RHPN2: variants seen among roughly 807,000 people sequenced by gnomAD.
RHPN2 encodes the protein rhophilin Rho GTPase binding protein 2.
A neutral mutation model predicts 79.0 loss-of-function variants in RHPN2; 40 were observed. That is an observed-to-expected ratio of 0.51 (90% CI 0.39 to 0.66). The LOEUF (loss-of-function observed/expected upper bound fraction) is 0.66. Among genes scored for constraint, RHPN2 ranks in the 30% least tolerant of loss-of-function variants. RHPN2 has a pLI of 0.00. For missense variants in RHPN2, 686 were observed against 883.5 expected, an observed-to-expected ratio of 0.78 and a Z score of 2.83; for synonymous variants, 285 against 363.5, an observed-to-expected ratio of 0.78 and a Z score of 2.46.
chr19:33,056,847 C>T (rs1053312293), intron 1 of RHPN2, among the ~76,000 whole-genome samples: 3 of 151,392 alleles, frequency 2.0e-5, no homozygotes, highest in Admixed American at 1.3e-4. Context: ...CAGTGGCTCA[C>T]GCCTGTAATC....
chr19:33,002,341 G>A lies in RHPN2; in HGVS notation c.1011C>T (p.Ile337=). 3 of 1,613,936 alleles carry A rather than the reference G, an allele frequency of 1.9e-6. No homozygotes were observed. Among genetic ancestry groups the A allele is most frequent in the South Asian group, 1.1e-5 (1 of 91,074 alleles). The change falls in exon 9 of 15, where the codon ATC becomes ATT. Residue 337 remains isoleucine, a synonymous_variant. Transcript: ENST00000254260. The part of the protein sequence containing the change: ...AMSQAPVKEN[I]PYSWASLACV... Reference sequence around the variant, plus strand: ...AGGCTAAGCTGGCCCAGGAGTAGGGGATGTTCTCTTTCACCGGCGCCTGGC... The same window carrying A: ...AGGCTAAGCTGGCCCAGGAGTAGGGAATGTTCTCTTTCACCGGCGCCTGGC...
chr19:33,060,407 T>C lies in RHPN2; in HGVS notation c.69+4377A>G, dbSNP rs540698463. Among the ~76,000 whole-genome samples, 11 of 152,310 alleles carry C rather than the reference T, an allele frequency of 7.2e-5. 1 individual carries two copies. In the South Asian group the frequency reaches 2.3e-3, roughly 32 times the overall value. On this transcript the variant is annotated intron_variant, in intron 1 of 14. Coordinates refer to ENST00000254260, the MANE Select transcript of RHPN2 (RefSeq NM_033103.5). Reference sequence around the variant, plus strand: ...CCAGATATTGCCCTTTCTCCAGCTCTATCATTCCAACCTCCTCATCACTAG... The same window carrying C: ...CCAGATATTGCCCTTTCTCCAGCTCCATCATTCCAACCTCCTCATCACTAG...
At chr19:33,016,005 G>A (rs754937480) in intron 4 of RHPN2, among the ~76,000 whole-genome samples, 2 of 152,002 alleles carry the variant, frequency 1.3e-5, no homozygotes, top group Non-Finnish European at 2.9e-5. Flanking sequence ...AGCCAAGATT[G>A]TACCACTGTA....
At chr19:32,980,307 G>A in intron 14 of RHPN2, 51 bp from the exon 15 acceptor site, 5 of 1,612,200 alleles carry the variant, frequency 3.1e-6, no homozygotes, top group Non-Finnish European at 4.2e-6. Context: ...CAAGATAGAT[G>A]ATAAAAACTA....
intron 14 of RHPN2, among the ~76,000 whole-genome samples, chr19:32,988,905 G>A (rs931930375): frequency 6.6e-6 from 1 of 152,164 alleles, no homozygotes; most frequent in African/African-American, 2.4e-5. Context: ...AGCTTCGCTG[G>A]GGGGCAGGGA....
chr19:33,060,830 C>T (rs773569884), intron 1 of RHPN2, among the ~76,000 whole-genome samples: 1 of 152,130 alleles, frequency 6.6e-6, no homozygotes, highest in Non-Finnish European at 1.5e-5. Context: ...CTGCACCCCA[C>T]TCACAGCACT....
Position 33,007,974 on chromosome 19 carries a change from GGGCCAAGGCTCC to G in RHPN2, c.760+28_760+39del, listed in dbSNP as rs776071477. The G allele has an allele frequency of 1.5e-5, 24 of 1,609,486 alleles. No individual in the cohort carries two copies. In the Admixed American group the frequency reaches 4.0e-4, roughly 27 times the overall value. Reference sequence around the variant, plus strand: ...GGGGGTCCCCTGGTGCCACCGGGTGGGGCCAAGGCTCCGTCTGGTCAGCCCTGGAGGAGACAT... The same window carrying G: ...GGGGGTCCCCTGGTGCCACCGGGTGGGTCTGGTCAGCCCTGGAGGAGACAT... On this transcript the variant is annotated intron_variant, in intron 7 of 14. Transcript: ENST00000254260.
In RHPN2 at chr19:33,021,641, G is replaced by A. The variant is rs1238200730; in HGVS notation, c.320C>T (p.Ala107Val). 1 of 1,613,244 alleles carries A rather than the reference G, an allele frequency of 6.2e-7. No individual in the cohort carries two copies. Reference sequence around the variant, plus strand: ...AAGAGGAATCAGGGGAATCGTAAATGCCTCCCTATGAGGAACACAACAAGG... The same window carrying A: ...AAGAGGAATCAGGGGAATCGTAAATACCTCCCTATGAGGAACACAACAAGG... ...SVGVYQNTEE[A>V]FTIPLIPLGL... Residue 107 changes from alanine to valine, a missense_variant, in exon 4 of 15, where the codon GCA becomes GTA. Physicochemically the swap from Ala to Val is moderately conservative, Grantham distance 64 (BLOSUM62 0). Transcript: ENST00000254260.
Position 32,996,123 on chromosome 19 carries a change from C to G in RHPN2, c.1323G>C (p.Lys441Asn), listed in dbSNP as rs1216120694. The G allele has an allele frequency of 1.2e-6, 2 of 1,614,112 alleles. No homozygotes were observed. The highest frequency in any genetic ancestry group is 1.3e-5 in the African/African-American group (1 of 75,056). Residue 441 changes from lysine to asparagine, a missense_variant, in exon 11 of 15, where the codon AAG becomes AAC. By Grantham distance (94) the Lys-to-Asn change is moderately conservative. Transcript: ENST00000254260. Reference sequence around the variant, plus strand: ...AGCGTTCCTGTGCGGCACACAGCACCTTCTGTAGCACCTCAATGCTCCGCA... The same window carrying G: ...AGCGTTCCTGTGCGGCACACAGCACGTTCTGTAGCACCTCAATGCTCCGCA... Reference protein sequence around the residue: ...KKLRSIEVLQKVLCAAQERSR... With the variant: ...KKLRSIEVLQNVLCAAQERSR...
chr19:33,042,001 G>A (rs1367435990), intron 2 of RHPN2, among the ~76,000 whole-genome samples: 6 of 151,864 alleles, frequency 4.0e-5, no homozygotes, highest in African/African-American at 7.3e-5. Flanking sequence ...TGTGCAACAC[G>A]GTGAAACCCT....
At chr19:33,005,399 T>G (rs1971781786) in intron 7 of RHPN2, among the ~76,000 whole-genome samples, 1 of 108,538 alleles carries the variant, frequency 9.2e-6, no homozygotes. Context: ...GGCGACAGAG[T>G]GAGATTCTGT....
At chr19:32,999,375 C>T (rs1400831255) in intron 10 of RHPN2, among the ~76,000 whole-genome samples, 1 of 152,098 alleles carries the variant, frequency 6.6e-6, no homozygotes, top group East Asian at 1.9e-4. Context: ...CAGTGGGAGG[C>T]CTGGGTGCTA....
chr19:33,053,930 T>C (rs1391527584), intron 1 of RHPN2, among the ~76,000 whole-genome samples: 2 of 152,020 alleles, frequency 1.3e-5, no homozygotes, highest in Non-Finnish European at 2.9e-5. Flanking sequence ...GTGATCTCCA[T>C]TCACTGCAGC....
chr19:33,052,195 A>G (rs1397629507), intron 1 of RHPN2, among the ~76,000 whole-genome samples: 3 of 152,140 alleles, frequency 2.0e-5, no homozygotes, highest in African/African-American at 7.2e-5. Flanking sequence ...GGAACAGGGC[A>G]GTTTTTCTTC....
At chr19:33,064,492 G>A (rs1020114059) in intron 1 of RHPN2, among the ~76,000 whole-genome samples, 4 of 152,076 alleles carry the variant, frequency 2.6e-5, no homozygotes, top group African/African-American at 9.7e-5. Flanking sequence ...GGGGTGGGAG[G>A]GGGGAGACCC....
chr19:33,058,560 T>C (rs1291373861), intron 1 of RHPN2, among the ~76,000 whole-genome samples: 1 of 151,988 alleles, frequency 6.6e-6, no homozygotes, highest in East Asian at 1.9e-4. Flanking sequence ...GGCAGGTGGA[T>C]TACGCAGTCA....
chr19:32,991,701 G>A (rs1971661034), intron 13 of RHPN2, 122 bp downstream of exon 13: 1 of 1,113,124 alleles, frequency 9.0e-7, no homozygotes, highest in Non-Finnish European at 1.3e-6. Context: ...TTTTCTTTTA[G>A]GGAATGTAGC....
At chr19:33,059,149 C>A (rs1029656747) in intron 1 of RHPN2, among the ~76,000 whole-genome samples, 73 of 152,098 alleles carry the variant, frequency 4.8e-4, no homozygotes, top group African/African-American at 1.7e-3. Context: ...TCACTCACTG[C>A]CCCCGGCTGG....
At chr19:33,042,064 C>T (rs970402345) in intron 2 of RHPN2, among the ~76,000 whole-genome samples, 5 of 152,038 alleles carry the variant, frequency 3.3e-5, no homozygotes, top group Non-Finnish European at 7.4e-5. Context: ...TGGCACGTGC[C>T]TGTAGTCCCA....
Sources: allele counts gnomAD v4.1 joint callset (sites outside exome capture counted in the v4.1 genomes callset), GRCh38; gene constraint gnomAD v4.1.1; transcripts MANE v1.5; gene names NCBI Gene and HGNC (gene_info 2026-07-23, HGNC 2026-07-21).